The following PRKN variants were observed in gnomAD, a reference collection of about 807,000 sequenced individuals.
PRKN encodes the protein E3 ubiquitin-protein ligase parkin.
In PRKN, 56 loss-of-function variants were observed where a neutral mutation model predicts 59.5. The ratio of observed to expected loss-of-function variants is 0.94; its 90% confidence interval spans 0.76 to 1.18. The LOEUF is 1.18. PRKN is among the 50% of genes most tolerant of loss of function. The probability of loss-of-function intolerance (pLI) is 0.00; values close to 1 mark genes in which losing one functional copy is unlikely to be tolerated. For missense variants in PRKN, 657 were observed against 596.4 expected, an observed-to-expected ratio of 1.10 and a Z score of -1.06; for synonymous variants, 250 against 222.1, an observed-to-expected ratio of 1.13 and a Z score of -1.12.
chr6:162,007,987 G>T (rs1049222250), intron 5 of PRKN, among the ~76,000 whole-genome samples: 1 of 152,136 alleles, frequency 6.6e-6, no homozygotes, highest in African/African-American at 2.4e-5. Context: ...CGCTAGGGGA[G>T]CATTTATAAG....
intron 1 of PRKN, among the ~76,000 whole-genome samples, chr6:162,585,635 T>A (rs1236586883): frequency 6.6e-6 from 1 of 152,190 alleles, no homozygotes; most frequent in Non-Finnish European, 1.5e-5. Context: ...ATGTTGGTAA[T>A]TATTTTTGAT....
At chr6:161,743,187 C>T (rs913938984) in intron 7 of PRKN, among the ~76,000 whole-genome samples, 2 of 147,424 alleles carry the variant, frequency 1.4e-5, no homozygotes, top group Non-Finnish European at 3.0e-5. Context: ...CCCAACCTCT[C>T]CTTGCCTGTC....
chr6:162,613,118 A>G (rs1467510325), intron 1 of PRKN, among the ~76,000 whole-genome samples: 1 of 152,226 alleles, frequency 6.6e-6, no homozygotes, highest in Non-Finnish European at 1.5e-5. Flanking sequence ...ATTTAGAAAT[A>G]TAAAATAACT....
rs573610686 is a variant in PRKN at position 162,331,322 on chromosome 6, A to G, written c.172-68557T>C. Reference sequence around the variant, plus strand: ...TTGGGTGGAGACACAGAGCCAAACCATATCAACCATCAATCCTAAACAGTG... The same window carrying G: ...TTGGGTGGAGACACAGAGCCAAACCGTATCAACCATCAATCCTAAACAGTG... On this transcript the variant is annotated intron_variant, in intron 2 of 11. Coordinates refer to ENST00000366898, the MANE Select transcript of PRKN (RefSeq NM_004562.3). Among the ~76,000 whole-genome samples the G allele has an allele frequency of 3.2e-4, 48 of 152,322 alleles. No homozygotes were observed. In the East Asian group the frequency reaches 8.7e-3, roughly 28 times the overall value.
rs953229238 is a variant in PRKN, at chr6:161,710,771, G to C, written c.871+75001C>G. Reference sequence around the variant, plus strand: ...TCTTGAATCTTGAATGTGCCTGCCTGCTTAACTTCCTTCCTTCTTTTCTTT... The same window carrying C: ...TCTTGAATCTTGAATGTGCCTGCCTCCTTAACTTCCTTCCTTCTTTTCTTT... On this transcript the variant is annotated intron_variant, in intron 7 of 11. Transcript: ENST00000366898. Among the ~76,000 whole-genome samples the C allele has an allele frequency of 3.3e-5, 5 of 152,000 alleles. No homozygotes were observed. In the South Asian group the frequency reaches 6.2e-4, roughly 19 times the overall value.
At chr6:161,469,609 C>T (rs1238826940) in intron 9 of PRKN, among the ~76,000 whole-genome samples, 1 of 151,458 alleles carries the variant, frequency 6.6e-6, no homozygotes, top group East Asian at 1.9e-4. Flanking sequence ...GAGATTGAAA[C>T]CTGAAGGTTA....
At chr6:162,725,666 G>T (rs1015292816) in intron 1 of PRKN, among the ~76,000 whole-genome samples, 54 of 151,892 alleles carry the variant, frequency 3.6e-4, no homozygotes, top group African/African-American at 1.3e-3. Context: ...AGGAGGCTGA[G>T]ATGGGAGGAT....
intron 1 of PRKN, among the ~76,000 whole-genome samples, chr6:162,580,323 G>A (rs1583845235): frequency 2.0e-5 from 3 of 151,834 alleles, no homozygotes; most frequent in Non-Finnish European, 2.9e-5. Flanking sequence ...CTGCAGTCCC[G>A]GCTACTTGGA....
At chr6:161,585,128 C>T (rs1781475727) in intron 7 of PRKN, among the ~76,000 whole-genome samples, 1 of 152,186 alleles carries the variant, frequency 6.6e-6, no homozygotes, top group African/African-American at 2.4e-5. Context: ...TCTAGGGAGG[C>T]ACTTGGGAGG....
At chr6:162,090,915 C>T (rs949498123) in intron 4 of PRKN, among the ~76,000 whole-genome samples, 6 of 152,248 alleles carry the variant, frequency 3.9e-5, no homozygotes, top group Middle Eastern at 3.4e-3. Flanking sequence ...TTTGGTAATT[C>T]GTGGCCACAA....
chr6:161,910,469 G>T (rs1304854171), intron 6 of PRKN, among the ~76,000 whole-genome samples: 1 of 152,072 alleles, frequency 6.6e-6, no homozygotes, highest in Non-Finnish European at 1.5e-5. Flanking sequence ...TGGCCAGGCT[G>T]GTCTCAAACT....
At chr6:162,437,357 T>C (rs1262078075) in intron 2 of PRKN, among the ~76,000 whole-genome samples, 1 of 152,192 alleles carries the variant, frequency 6.6e-6, no homozygotes, top group Non-Finnish European at 1.5e-5. Flanking sequence ...CCTAGGTTTT[T>C]TTTAAATTCA....
intron 1 of PRKN, among the ~76,000 whole-genome samples, chr6:162,644,815 T>C (rs1778101344): frequency 6.6e-6 from 1 of 152,216 alleles, no homozygotes; most frequent in East Asian, 1.9e-4. Flanking sequence ...GGAAATCCTA[T>C]AGATTTGGTT....
At chr6:161,787,703 T>C (rs960735708) in intron 6 of PRKN, among the ~76,000 whole-genome samples, 11 of 152,158 alleles carry the variant, frequency 7.2e-5, no homozygotes, top group Non-Finnish European at 1.0e-4. Flanking sequence ...TCCCAGCACT[T>C]TGGGAGGCTG....
chr6:162,326,121 C>T (rs886911459), intron 2 of PRKN, among the ~76,000 whole-genome samples: 4 of 152,052 alleles, frequency 2.6e-5, no homozygotes, highest in Non-Finnish European at 4.4e-5. Context: ...AGGGAGGAGA[C>T]GAAGCTTAGA....
chr6:162,105,864 T>C (rs751767274), intron 4 of PRKN, among the ~76,000 whole-genome samples: 2 of 152,230 alleles, frequency 1.3e-5, no homozygotes, highest in Non-Finnish European at 2.9e-5. Flanking sequence ...TGATATCTCC[T>C]ATAAACTCTG....
chr6:162,181,169 C>T (rs1783788519), intron 4 of PRKN, among the ~76,000 whole-genome samples: 1 of 152,248 alleles, frequency 6.6e-6, no homozygotes, highest in Middle Eastern at 3.4e-3. Context: ...TTGACCCAGT[C>T]GGGGGTGACG....
chr6:161,354,677 A>G lies in PRKN; in HGVS notation c.1286-4466T>C, dbSNP rs1475023122. ...GGGCATTCCTGAAACACAGCTGAGT[A>G]TGTAACAGGCCACGAACCTTGGTGA... On this transcript the variant is annotated intron_variant, in intron 11 of 11. Coordinates refer to ENST00000366898, the MANE Select transcript of PRKN (RefSeq NM_004562.3). This position sits in a 1 kb window ranked among gnomAD's most constrained non-coding sequence, Gnocchi z 6.7. Among the ~76,000 whole-genome samples, 1 of 152,208 alleles carries G rather than the reference A, an allele frequency of 6.6e-6. No homozygotes were observed. Among genetic ancestry groups the G allele is most frequent in the Non-Finnish European group, 1.5e-5 (1 of 68,030 alleles).
At chr6:162,515,012 C>G (rs1321291844) in intron 1 of PRKN, among the ~76,000 whole-genome samples, 3 of 151,722 alleles carry the variant, frequency 2.0e-5, no homozygotes, top group African/African-American at 7.3e-5. Flanking sequence ...CAACTAGAGA[C>G]TCTCCTATAT....
Sources: gnomAD v4.1 joint callset for allele counts (sites outside exome capture counted in the v4.1 genomes callset) on GRCh38, gnomAD v4.1.1 for gene constraint, Gnocchi (gnomAD v3.1) non-coding constraint, MANE v1.5 for transcripts, NCBI Gene and HGNC (gene_info 2026-07-23, HGNC 2026-07-21) for gene names.